PPP5C: variants seen among roughly 807,000 people sequenced by gnomAD.
The protein encoded by PPP5C is protein phosphatase 5 catalytic subunit.
Under a neutral mutation model 66.7 loss-of-function variants are expected in PPP5C, and 21 were observed. That is an observed-to-expected ratio of 0.31 (90% CI 0.22 to 0.45). The LOEUF (loss-of-function observed/expected upper bound fraction) is 0.45, where lower values mean the gene tolerates loss of function less well. Among genes scored for constraint, PPP5C ranks in the 20% least tolerant of loss-of-function variants. The probability of loss-of-function intolerance (pLI) is 1.00; values close to 1 mark genes in which losing one functional copy is unlikely to be tolerated. For missense variants in PPP5C, 464 were observed against 675.9 expected (o/e 0.69, Z 3.48); for synonymous variants, 246 against 257.4 (o/e 0.96, Z 0.43).
chr19:46,384,705 C>T (rs1312255704), intron 6 of PPP5C, 99 bp from the exon 7 acceptor site: 1 of 883,576 alleles, frequency 1.1e-6, no homozygotes, highest in Non-Finnish European at 1.9e-6. Flanking sequence ...TGAGGCCAGG[C>T]AGGAGCAGCC....
intron 11 of PPP5C, among the ~76,000 whole-genome samples, chr19:46,389,051 T>C (rs1016710742): frequency 8.5e-5 from 13 of 152,164 alleles, no homozygotes; most frequent in African/African-American, 2.7e-4. Context: ...TGGCTGGGCA[T>C]GGTGGCTCAC....
intron 6 of PPP5C, chr19:46,384,289 A>G: frequency 3.8e-6 from 1 of 264,214 alleles, no homozygotes; most frequent in Non-Finnish European, 7.3e-6. Flanking sequence ...GAGGGATAAT[A>G]ATATGTGCAA....
intron 2 of PPP5C, among the ~76,000 whole-genome samples, chr19:46,354,622 C>A (rs117119669): frequency 2.6e-5 from 4 of 151,882 alleles, no homozygotes; most frequent in Non-Finnish European, 2.9e-5. Flanking sequence ...AGGGAGGAGA[C>A]CTCATCTCTA....
At chr19:46,348,728 G>C (rs545726459) in intron 1 of PPP5C, among the ~76,000 whole-genome samples, 10 of 152,122 alleles carry the variant, frequency 6.6e-5, no homozygotes, top group Middle Eastern at 3.2e-3. Context: ...CTAGAGGGGG[G>C]ACTTAGGACA....
At chr19:46,361,589 TAAAAAA>T (rs935838226) in intron 2 of PPP5C, among the ~76,000 whole-genome samples, 4 of 85,272 alleles carry the variant, frequency 4.7e-5, no homozygotes, top group South Asian at 4.5e-4. Flanking sequence ...TACTAAAAAT[TAAAAAA>T]AAAAAAAAAA....
Position 46,387,137 on chromosome 19 carries a change from G to T in PPP5C, c.949G>T (p.Gly317Cys). ...DNMNQIYGFE[G>C]EVKAKYTAQM... is the part of the protein sequence containing the mutation. ...CATGAACCAGATCTACGGTTTCGAG[G>T]GTGAGGTGAAGGCCAAGTACACAGC... is the stretch of plus-strand genomic sequence containing the variant. Residue 317 changes from glycine (G) to cysteine (C), a missense_variant, in exon 8 of 13, where the codon GGT (glycine) becomes TGT (cysteine). By Grantham distance (159) the Gly-to-Cys change is radical. Coordinates refer to ENST00000012443, the MANE Select transcript of PPP5C (RefSeq NM_006247.4). 1.2e-6 allele frequency: 2 copies of T among 1,614,240 alleles called. No individual in the cohort carries two copies. The highest frequency in any genetic ancestry group is 1.7e-6 in the Non-Finnish European group (2 of 1,180,036).
rs1457626467 is a variant in PPP5C at position 46,375,489 on chromosome 19, T to G, written c.364-115T>G. ...CGTCTAGGGTTGCACCATCAGCACC[T>G]GGCGCCCAGGCGGTCTGACTTCCAC... On this transcript the variant is annotated intron_variant, in intron 2 of 12. Transcript: ENST00000012443. The G allele has an allele frequency of 3.4e-6, 5 of 1,453,824 alleles. No homozygotes were observed. In the African/African-American group the frequency reaches 7.1e-5, roughly 21 times the overall value. 90.1% of individuals were successfully genotyped at this position (1,453,824 alleles called of 1,614,324 possible). A position where few individuals can be genotyped will look rare whatever the true frequency, so the allele number is the denominator to read the frequency against.
chr19:46,363,289 C>A (rs1972426344), intron 2 of PPP5C, among the ~76,000 whole-genome samples: 1 of 74,078 alleles, frequency 1.3e-5, no homozygotes, highest in Non-Finnish European at 2.3e-5. Context: ...GCCTGGGCGA[C>A]AGAGCGAGAC....
chr19:46,389,401 A>AGAGTGTTGATCC (rs1568579878), intron 11 of PPP5C, among the ~76,000 whole-genome samples: 3 of 23,380 alleles, frequency 1.3e-4, no homozygotes, highest in Non-Finnish European at 2.2e-4. Flanking sequence ...ACACACACAC[A>AGAGTGTTGATCC]CACACACACA....
In PPP5C at chr19:46,360,531, C is replaced by T. The variant is rs560690312; in HGVS notation, c.363+6542C>T. Among the ~76,000 whole-genome samples, 27 of 150,876 alleles carry T rather than the reference C, an allele frequency of 1.8e-4. No individual in the cohort carries two copies. In the South Asian group the frequency reaches 5.2e-3, roughly 29 times the overall value. On this transcript the variant is annotated intron_variant, in intron 2 of 12. Coordinates refer to ENST00000012443, the MANE Select transcript of PPP5C (RefSeq NM_006247.4). ...TTTTTCTTTTTTGGAGACAAAGTCT[C>T]ACTGTGTTGCCCAGGCTGGAGTGCA...
chr19:46,353,332 G>C (rs1972223778), intron 1 of PPP5C, among the ~76,000 whole-genome samples: 1 of 152,094 alleles, frequency 6.6e-6, no homozygotes. Context: ...TGGCTGCCCG[G>C]GGCCCAGGGA....
intron 1 of PPP5C, among the ~76,000 whole-genome samples, chr19:46,351,412 G>A (rs1247086441): frequency 6.6e-6 from 1 of 152,128 alleles, no homozygotes; most frequent in Non-Finnish European, 1.5e-5. Context: ...AGTCATTCAC[G>A]CATTCACTTC....
At chr19:46,389,912 G>T in intron 11 of PPP5C, 139 bp from the exon 12 acceptor site, 1 of 706,730 alleles carries the variant, frequency 1.4e-6, no homozygotes, top group South Asian at 1.7e-5. Flanking sequence ...TCCCATCTCT[G>T]TCTCTCTGTC....
At chr19:46,358,826 T>C (rs967682815) in intron 2 of PPP5C, among the ~76,000 whole-genome samples, 3 of 152,188 alleles carry the variant, frequency 2.0e-5, no homozygotes, top group Non-Finnish European at 2.9e-5. Flanking sequence ...GTGTAAGTGA[T>C]GGCATCCGTG....
chr19:46,361,412 A>T, intron 2 of PPP5C, among the ~76,000 whole-genome samples: 1 of 145,184 alleles, frequency 6.9e-6, no homozygotes, highest in Non-Finnish European at 1.5e-5. Context: ...TACAGGCGTG[A>T]GCCACTGCGC....
chr19:46,380,843 G>A (rs985795705), intron 4 of PPP5C, among the ~76,000 whole-genome samples: 1 of 151,934 alleles, frequency 6.6e-6, no homozygotes, highest in African/African-American at 2.4e-5. Flanking sequence ...GTTGCCTTTG[G>A]GTTTTAGTAG....
In PPP5C at chr19:46,384,850, T is replaced by C. The variant is rs779638817; in HGVS notation, c.845T>C (p.Val282Ala). 1 of 1,614,182 alleles carries C rather than the reference T, an allele frequency of 6.2e-7. No individual in the cohort carries two copies. The highest frequency in any genetic ancestry group is 1.1e-5 in the South Asian group (1 of 91,080). Residue 282 changes from valine (V) to alanine (A), a missense_variant, in exon 7 of 13, where the codon GTG becomes GCG. By Grantham distance (64) the Val-to-Ala change is moderately conservative (BLOSUM62 0). Around this residue, in one of 2 missense-constraint regions of PPP5C, gnomAD observed 387 missense variants for 626.0 expected, o/e 0.62. Coordinates refer to ENST00000012443, the MANE Select transcript of PPP5C (RefSeq NM_006247.4). ...GACCGAGGCTCCTTCTCTGTAGAAG[T>C]GATCCTCACCCTTTTCGGCTTCAAG... ...FVDRGSFSVEVILTLFGFKLL... is the reference protein window; with the variant it reads ...FVDRGSFSVEAILTLFGFKLL...
intron 7 of PPP5C, 128 bp from the exon 8 acceptor site, chr19:46,386,965 G>A (rs7359899): frequency 0.026 from 34,585 of 1,332,228 alleles, 893 homozygotes; most frequent in African/African-American, 0.13. Context: ...GGAAGGCACC[G>A]CAGTGGCAAG....
chr19:46,361,852 C>T, intron 2 of PPP5C, among the ~76,000 whole-genome samples: 1 of 152,000 alleles, frequency 6.6e-6, no homozygotes, highest in South Asian at 2.1e-4. Context: ...TATGGTAAAG[C>T]TAATTTTAAT....
Sources: gnomAD v4.1 joint callset for allele counts (sites outside exome capture counted in the v4.1 genomes callset) on GRCh38, gnomAD v4.1.1 for gene constraint, gnomAD v4.1.1 regional missense constraint, MANE v1.5 for transcripts, NCBI Gene and HGNC (gene_info 2026-07-23, HGNC 2026-07-21) for gene names.